FAT3: variants seen among roughly 807,000 people sequenced by gnomAD.
FAT3 encodes the protein FAT atypical cadherin 3, also known as protocadherin Fat 3.
In FAT3, 95 loss-of-function variants were observed where a neutral mutation model predicts 310.2. That is an observed-to-expected ratio of 0.31 (90% CI 0.26 to 0.36). The LOEUF (loss-of-function observed/expected upper bound fraction) is 0.36. Among genes scored for constraint, FAT3 ranks in the 10% least tolerant of loss-of-function variants. The probability of loss-of-function intolerance (pLI) is 1.00; values close to 1 mark genes in which losing one functional copy is unlikely to be tolerated. For missense variants in FAT3, 5,408 were observed against 5,715.6 expected (o/e 0.95, Z 1.74); for synonymous variants, 2,314 against 2,192.9 (o/e 1.06, Z -1.54).
At position 92,302,770 on chromosome 11, in the gene FAT3, G is replaced by T. The variant is rs559996801; in HGVS notation, c.-17-49326G>T. ...AATCATTTAACAATTGTATGGTGTT[G>T]ATTAATTTTCTGGTAGTGTTATGTT... On this transcript the variant is annotated intron_variant, in intron 1 of 27. Coordinates refer to ENST00000525166, the MANE Select transcript of FAT3 (RefSeq NM_001367949.2). 4.7e-4 allele frequency among the ~76,000 whole-genome samples: 72 copies of T among 152,060 alleles called. No homozygotes were observed. In the Middle Eastern group the frequency reaches 0.01, roughly 22 times the overall value.
chr11:92,269,049 T>G (rs377273040), intron 1 of FAT3, among the ~76,000 whole-genome samples: 12 of 152,128 alleles, frequency 7.9e-5, no homozygotes, highest in East Asian at 1.9e-4. Flanking sequence ...CCTCTTCATC[T>G]CAAAGGAAAA....
chr11:92,839,451 C>CAAA (rs1948483561), intron 17 of FAT3, among the ~76,000 whole-genome samples: 1 of 152,166 alleles, frequency 6.6e-6, no homozygotes, highest in African/African-American at 2.4e-5. Flanking sequence ...TTTTGATGAC[C>CAAA]AAAAGGACAC....
At chr11:92,285,790 T>C (rs956267608) in intron 1 of FAT3, among the ~76,000 whole-genome samples, 3 of 152,194 alleles carry the variant, frequency 2.0e-5, no homozygotes, top group Admixed American at 1.3e-4. Flanking sequence ...AGAAGAAGTA[T>C]CTGTAGTCCT....
intron 18 of FAT3, among the ~76,000 whole-genome samples, 172 bp downstream of exon 18, chr11:92,840,931 G>A (rs1948531769): frequency 6.6e-6 from 1 of 152,122 alleles, no homozygotes; most frequent in African/African-American, 2.4e-5. Flanking sequence ...AGCTGCCTCT[G>A]TGTGTGAAAC....
Position 92,352,841 on chromosome 11 carries a change from C to T in FAT3, c.729C>T (p.Asn243=). 6.2e-7 allele frequency: 1 copy of T among 1,613,816 alleles called. No homozygotes were observed. Among genetic ancestry groups the T allele is most frequent in the East Asian group, 2.2e-5 (1 of 44,862 alleles). The change falls in exon 2 of 28, where the codon AAC becomes AAT. Residue 243 remains asparagine, a synonymous_variant. Coordinates refer to ENST00000525166, the MANE Select transcript of FAT3 (RefSeq NM_001367949.2). ...ACCGGGGAATGAAACTGTATGGGAA[C>T]AATGGAGTGAGCAGTACTGCAAAGC... ...AVDRGMKLYG[N]NGVSSTAKLY... is the part of the protein sequence containing the mutation.
chr11:92,525,551 C>T (rs1333731413), intron 3 of FAT3, among the ~76,000 whole-genome samples: 1 of 152,074 alleles, frequency 6.6e-6, no homozygotes, highest in Non-Finnish European at 1.5e-5. Context: ...GTCTAAGGAT[C>T]GGGAGCAGGT....
chr11:92,620,927 C>T (rs1293308815), intron 3 of FAT3, among the ~76,000 whole-genome samples: 1 of 152,186 alleles, frequency 6.6e-6, no homozygotes, highest in Non-Finnish European at 1.5e-5. Context: ...GTTATGTCCT[C>T]ACATGACAGA....
chr11:92,358,487 T>C (rs1385700410), intron 2 of FAT3, among the ~76,000 whole-genome samples: 1 of 152,068 alleles, frequency 6.6e-6, no homozygotes, highest in African/African-American at 2.4e-5. Context: ...TTTCATTCTG[T>C]TCCCTTCTCT....
chr11:92,445,027 G>C (rs932966561), intron 2 of FAT3, among the ~76,000 whole-genome samples: 1 of 152,132 alleles, frequency 6.6e-6, no homozygotes, highest in Admixed American at 6.6e-5. Flanking sequence ...GGGAAAATTT[G>C]TGCTCAGGCA....
chr11:92,473,775 A>G (rs1391149158), intron 2 of FAT3, among the ~76,000 whole-genome samples: 1 of 152,206 alleles, frequency 6.6e-6, no homozygotes, highest in Non-Finnish European at 1.5e-5. Flanking sequence ...GTACACAGGG[A>G]CTAGCAAGAA....
intron 2 of FAT3, among the ~76,000 whole-genome samples, chr11:92,474,796 C>T (rs959076293): frequency 1.3e-5 from 2 of 152,074 alleles, no homozygotes; most frequent in Admixed American, 6.6e-5. Flanking sequence ...GCTGATGTCA[C>T]GTTACTCCCA....
Position 92,352,843 on chromosome 11 carries a change from A to C in FAT3, c.731A>C (p.Asn244Thr), listed in dbSNP as rs149587669. 3.1e-6 allele frequency: 5 copies of C among 1,613,956 alleles called. No individual in the cohort carries two copies. The highest frequency in any genetic ancestry group is 3.3e-5 in the Admixed American group (2 of 59,986). ...VDRGMKLYGN[N>T]GVSSTAKLYV... ...CGGGGAATGAAACTGTATGGGAACA[A>C]TGGAGTGAGCAGTACTGCAAAGCTT... Residue 244 changes from asparagine to threonine, a missense_variant, in exon 2 of 28, where the codon AAT (asparagine) becomes ACT (threonine). By Grantham distance (65) the Asn-to-Thr change is moderately conservative. This residue lies in a region of FAT3 where 4,588 missense variants were observed against 4,809.8 expected (regional missense o/e 0.95). Coordinates refer to ENST00000525166, the MANE Select transcript of FAT3 (RefSeq NM_001367949.2).
intron 3 of FAT3, among the ~76,000 whole-genome samples, chr11:92,617,973 A>G (rs1209984831): frequency 6.6e-6 from 1 of 152,166 alleles, no homozygotes; most frequent in South Asian, 2.1e-4. Flanking sequence ...TCAGATCTCA[A>G]ACTCCATGCT....
At chr11:92,569,458 T>C (rs1420084633) in intron 3 of FAT3, among the ~76,000 whole-genome samples, 2 of 152,144 alleles carry the variant, frequency 1.3e-5, no homozygotes, top group East Asian at 3.9e-4. Flanking sequence ...GGAAGCCTGA[T>C]GAGGGGGACA....
At chr11:92,730,263 A>G (rs2135996885) in intron 4 of FAT3, among the ~76,000 whole-genome samples, 1 of 152,300 alleles carries the variant, frequency 6.6e-6, no homozygotes, top group East Asian at 1.9e-4. Flanking sequence ...GCTTGAGCCC[A>G]GGAGTTCAAG....
chr11:92,397,755 A>AT (rs569826914), intron 2 of FAT3, among the ~76,000 whole-genome samples: 1,627 of 135,208 alleles, frequency 0.012, 12 homozygotes, highest in Non-Finnish European at 0.016. Flanking sequence ...CCTTCCCAGA[A>AT]TTTTTTTTTT....
intron 2 of FAT3, among the ~76,000 whole-genome samples, chr11:92,459,500 A>C (rs1951582797): frequency 6.6e-6 from 1 of 152,094 alleles, no homozygotes; most frequent in Non-Finnish European, 1.5e-5. Flanking sequence ...CTACTTGTGT[A>C]CCTACCTTCC....
intron 1 of FAT3, among the ~76,000 whole-genome samples, chr11:92,247,142 T>C (rs1864947545): frequency 6.6e-6 from 1 of 151,982 alleles, no homozygotes; most frequent in Non-Finnish European, 1.5e-5. Context: ...GGGGTGTGGC[T>C]GTGGAATTAG....
rs564100035 is a variant in FAT3, at chr11:92,711,114, T to A, written c.3669+13669T>A. 2.6e-5 allele frequency among the ~76,000 whole-genome samples: 4 copies of A among 152,308 alleles called. 1 individual carries two copies. The South Asian group carries it at 8.3e-4, about 32-fold the overall frequency. ...CATAGTTTTTCCATAAATTGATGAT[T>A]GTGTTTTAAATTTTGGTAAATAATC... On this transcript the variant is annotated intron_variant, in intron 4 of 27. Transcript: ENST00000525166.
Sources: gnomAD v4.1 joint callset for allele counts (sites outside exome capture counted in the v4.1 genomes callset) on GRCh38, gnomAD v4.1.1 for gene constraint, gnomAD v4.1.1 regional missense constraint, MANE v1.5 for transcripts, NCBI Gene and HGNC (gene_info 2026-07-23, HGNC 2026-07-21) for gene names.